The following DIAPH2 variants were observed in gnomAD, a reference collection of about 807,000 sequenced individuals.
The protein encoded by DIAPH2 is diaphanous related formin 2.
DIAPH2 carries 35 observed loss-of-function variants against 92.7 expected under a neutral mutation model. That is an observed-to-expected ratio of 0.38 (90% CI 0.29 to 0.50). DIAPH2 has a LOEUF of 0.50. Ranked by LOEUF, DIAPH2 falls within the 20% of genes least tolerant of loss-of-function variation. The pLI is 0.94. For missense variants in DIAPH2, 701 were observed against 819.5 expected (o/e 0.86, Z 1.77); for synonymous variants, 301 against 280.4 (o/e 1.07, Z -0.73).
intron 17 of DIAPH2, among the ~76,000 whole-genome samples, chrX:97,014,320 TG>T (rs1359879495): frequency 9.0e-6 from 1 of 111,611 alleles, no homozygotes; most frequent in Non-Finnish European, 1.9e-5. Flanking sequence ...CGAACCAGGT[TG>T]TTGGGTCCTA....
intron 26 of DIAPH2, chrX:97,564,550 A>G (rs1025492487): frequency 9.0e-6 from 1 of 111,678 alleles, no homozygotes; most frequent in African/African-American, 3.3e-5. Flanking sequence ...GGAGCTCTCT[A>G]AGGCCTCTTT....
chrX:97,142,776 T>C (rs1490337772), intron 22 of DIAPH2, among the ~76,000 whole-genome samples: 2 of 111,973 alleles, frequency 1.8e-5, no homozygotes, highest in African/African-American at 3.2e-5. Context: ...ATAAATCTTA[T>C]ACTTGAAATT....
At chrX:97,029,144 T>G in intron 17 of DIAPH2, among the ~76,000 whole-genome samples, 1 of 95,165 alleles carries the variant, frequency 1.1e-5, no homozygotes, top group African/African-American at 3.4e-5. Flanking sequence ...TTTTTTCTTT[T>G]TCTTTTTTTT....
chrX:97,509,850 A>G (rs1394004623), intron 26 of DIAPH2, among the ~76,000 whole-genome samples: 1 of 110,292 alleles, frequency 9.1e-6, no homozygotes, highest in Non-Finnish European at 1.9e-5. Flanking sequence ...ATCATTTTTT[A>G]TGGCTGCATA....
At chrX:96,947,796 G>T (rs1422732990) in intron 14 of DIAPH2, among the ~76,000 whole-genome samples, 6 of 111,930 alleles carry the variant, frequency 5.4e-5, no homozygotes, top group African/African-American at 2.0e-4. Flanking sequence ...TTAGAATAAT[G>T]TATAGACTTC....
chrX:96,855,686 G>A (rs1056642774), intron 4 of DIAPH2, among the ~76,000 whole-genome samples: 8 of 110,280 alleles, frequency 7.3e-5, no homozygotes, highest in African/African-American at 2.6e-4. Flanking sequence ...TGGGAGGACA[G>A]GGAAGGCTTC....
chrX:97,064,941 G>A (rs1303032740), intron 17 of DIAPH2, among the ~76,000 whole-genome samples: 2 of 110,910 alleles, frequency 1.8e-5, no homozygotes, highest in African/African-American at 6.5e-5. Context: ...GTTAATGTAC[G>A]TAGCATTAAA....
At chrX:97,031,198 G>A (rs2066371391) in intron 17 of DIAPH2, among the ~76,000 whole-genome samples, 1 of 110,082 alleles carries the variant, frequency 9.1e-6, no homozygotes, top group Admixed American at 9.8e-5. Context: ...TGTAAGTGAT[G>A]TCCATGGGTG....
intron 1 of DIAPH2, among the ~76,000 whole-genome samples, chrX:96,719,592 T>C (rs773504651): frequency 8.9e-6 from 1 of 112,221 alleles, no homozygotes; most frequent in African/African-American, 3.2e-5. Context: ...ATGAGTTCAC[T>C]GTAGATTTAT....
At chrX:96,968,892 T>C (rs1569438254) in intron 17 of DIAPH2, among the ~76,000 whole-genome samples, 1 of 112,537 alleles carries the variant, frequency 8.9e-6, no homozygotes, top group African/African-American at 3.2e-5. Flanking sequence ...CCATTTTGAC[T>C]TTTTGTGTAT....
chrX:96,727,606 A>G (rs1235759851), intron 1 of DIAPH2, among the ~76,000 whole-genome samples: 1 of 112,012 alleles, frequency 8.9e-6, no homozygotes, highest in Non-Finnish European at 1.9e-5. Context: ...TAGTTTCTCA[A>G]TGAAGCTATA....
intron 24 of DIAPH2, among the ~76,000 whole-genome samples, chrX:97,377,255 G>A (rs896117789): frequency 8.9e-6 from 1 of 112,381 alleles, no homozygotes; most frequent in South Asian, 3.7e-4. Flanking sequence ...ACTCTAAATG[G>A]TAGAAAGTAT....
chrX:97,342,987 C>T (rs2069124881), intron 23 of DIAPH2, among the ~76,000 whole-genome samples: 1 of 111,271 alleles, frequency 9.0e-6, no homozygotes, highest in Non-Finnish European at 1.9e-5. Context: ...TTGATGTAGC[C>T]AGGCATAGTA....
At chrX:97,326,810 G>A (rs2068955002) in intron 23 of DIAPH2, among the ~76,000 whole-genome samples, 1 of 112,392 alleles carries the variant, frequency 8.9e-6, no homozygotes, top group South Asian at 3.7e-4. Context: ...GGTAATTGAT[G>A]CACACCTGTC....
At chrX:97,489,364 C>T (rs1184786704) in intron 26 of DIAPH2, among the ~76,000 whole-genome samples, 2 of 110,497 alleles carry the variant, frequency 1.8e-5, no homozygotes, top group African/African-American at 6.6e-5. Context: ...TGTAAGATCA[C>T]GTGTCGGCAA....
chrX:97,289,005 ATTTGTT>A (rs775820553), intron 23 of DIAPH2, among the ~76,000 whole-genome samples: 2 of 111,492 alleles, frequency 1.8e-5, no homozygotes, highest in South Asian at 7.6e-4. Context: ...AAACTCACCA[ATTTGTT>A]TTTGTCCAGG....
chrX:96,758,071 G>T (rs1025543672), intron 3 of DIAPH2, 83 bp from the exon 4 acceptor site: 100 of 833,043 alleles, frequency 1.2e-4, no homozygotes, highest in Non-Finnish European at 4.1e-5. Context: ...TTAAGACATA[G>T]AAATTATTAA....
intron 19 of DIAPH2, among the ~76,000 whole-genome samples, chrX:97,082,633 A>AAAAC (rs756456309): frequency 3.8e-4 from 42 of 110,880 alleles, no homozygotes; most frequent in East Asian, 5.6e-4. Context: ...CTCCATCTCA[A>AAAAC]AAACAAACAA....
intron 22 of DIAPH2, among the ~76,000 whole-genome samples, chrX:97,220,462 A>T (rs1327348789): frequency 9.0e-6 from 1 of 111,500 alleles, no homozygotes; most frequent in Non-Finnish European, 1.9e-5. Flanking sequence ...CAATTTGAAG[A>T]TGTAGGTTTA....
Sources: gnomAD v4.1 joint callset for allele counts (sites outside exome capture counted in the v4.1 genomes callset) on GRCh38, gnomAD v4.1.1 for gene constraint, MANE v1.5 for transcripts, NCBI Gene and HGNC (gene_info 2026-07-23, HGNC 2026-07-21) for gene names.